RARB: variants seen among roughly 807,000 people sequenced by gnomAD.
The protein encoded by RARB is retinoic acid receptor beta.
RARB carries 17 observed loss-of-function variants against 51.9 expected under a neutral mutation model. That is an observed-to-expected ratio of 0.33 (90% CI 0.22 to 0.49). The LOEUF is 0.49. Ranked by LOEUF, RARB falls within the 20% of genes least tolerant of loss-of-function variation. The pLI is 0.99. For missense variants in RARB, 369 were observed against 550.8 expected, an observed-to-expected ratio of 0.67 and a Z score of 3.30; for synonymous variants, 215 against 195.4, an observed-to-expected ratio of 1.10 and a Z score of -0.84.
intron 5 of RARB, among the ~76,000 whole-genome samples, chr3:25,194,675 C>G (rs1399892310): frequency 2.6e-5 from 4 of 151,006 alleles, no homozygotes; most frequent in Non-Finnish European, 1.5e-5. Flanking sequence ...CTCCAATTCC[C>G]AATGCACTGA....
At chr3:25,452,447 TCTTA>T (rs1709236877) in intron 1 of RARB, among the ~76,000 whole-genome samples, 1 of 152,056 alleles carries the variant, frequency 6.6e-6, no homozygotes, top group South Asian at 2.1e-4. Flanking sequence ...GGGTCCTGAG[TCTTA>T]CTCTCTTTCT....
intron 5 of RARB, among the ~76,000 whole-genome samples, chr3:25,288,928 A>G (rs757086902): frequency 6.6e-5 from 10 of 152,150 alleles, no homozygotes; most frequent in Non-Finnish European, 1.2e-4. Context: ...GAAGACCTCT[A>G]CTATTTCCCA....
At chr3:25,482,807 G>A (rs924898245) in intron 2 of RARB, among the ~76,000 whole-genome samples, 21 of 151,906 alleles carry the variant, frequency 1.4e-4, no homozygotes, top group Non-Finnish European at 2.5e-4. Flanking sequence ...CCAAAGTGCT[G>A]GGATTACAGG....
chr3:25,281,591 C>T (rs867957194), intron 5 of RARB, among the ~76,000 whole-genome samples: 1 of 152,180 alleles, frequency 6.6e-6, no homozygotes, highest in Admixed American at 6.5e-5. Flanking sequence ...AACAAATGAT[C>T]AGCACTGGGC....
chr3:24,999,993 C>T (rs1697124873), intron 2 of RARB, among the ~76,000 whole-genome samples: 1 of 57,450 alleles, frequency 1.7e-5, no homozygotes. Context: ...AAATTCACTC[C>T]TGAGATCTGT....
intron 5 of RARB, among the ~76,000 whole-genome samples, chr3:25,204,482 T>G (rs1420011641): frequency 6.6e-6 from 1 of 152,184 alleles, no homozygotes; most frequent in Non-Finnish European, 1.5e-5. Context: ...CTGCATTCCT[T>G]TAGAGGAGGA....
chr3:25,001,944 A>AT (rs764868076), intron 2 of RARB, among the ~76,000 whole-genome samples: 1 of 151,924 alleles, frequency 6.6e-6, no homozygotes, highest in Non-Finnish European at 1.5e-5. Flanking sequence ...CATGTGGCTA[A>AT]TTTTTTTATA....
At chr3:25,192,029 T>A (rs1701116100) in intron 5 of RARB, among the ~76,000 whole-genome samples, 1 of 152,064 alleles carries the variant, frequency 6.6e-6, no homozygotes, top group African/African-American at 2.4e-5. Context: ...TTAAACAGCT[T>A]TGCAAAAGTG....
chr3:25,211,814 G>T (rs576580298), intron 5 of RARB, among the ~76,000 whole-genome samples: 3 of 152,142 alleles, frequency 2.0e-5, no homozygotes, highest in Non-Finnish European at 4.4e-5. Context: ...TAGGTGATGG[G>T]CCAGATTTTG....
rs368175623 is a variant in RARB, at chr3:25,446,442, G to A, written c.158-14751G>A. On this transcript the variant is annotated intron_variant, in intron 1 of 7. Transcript: ENST00000330688. ...AGTTGAATGACTGTGACAGAGACCAGACAGCCCACAAAGCCTAAAGTATTT... is the reference window on the plus strand; with the variant it reads ...AGTTGAATGACTGTGACAGAGACCAAACAGCCCACAAAGCCTAAAGTATTT... Among the ~76,000 whole-genome samples the A allele has an allele frequency of 8.5e-5, 13 of 152,190 alleles. No homozygotes were observed. In the East Asian group the frequency reaches 1.2e-3, roughly 14 times the overall value.
chr3:25,532,094 A>G (rs1049385045), intron 3 of RARB, among the ~76,000 whole-genome samples: 1 of 152,080 alleles, frequency 6.6e-6, no homozygotes, highest in Non-Finnish European at 1.5e-5. Flanking sequence ...TTTTGTGTCA[A>G]TTTGCCTAAA....
At chr3:25,496,892 T>C (rs1697061523) in intron 2 of RARB, among the ~76,000 whole-genome samples, 1 of 152,206 alleles carries the variant, frequency 6.6e-6, no homozygotes. Context: ...TGTTTGTTTG[T>C]TTGCTTTTTG....
intron 3 of RARB, among the ~76,000 whole-genome samples, chr3:25,532,858 A>G (rs1323994699): frequency 6.6e-6 from 1 of 152,220 alleles, no homozygotes; most frequent in African/African-American, 2.4e-5. Context: ...TTTTGGAAAG[A>G]AAGGCATTGC....
At chr3:25,076,700 TTTTTG>T (rs1698877147) in intron 3 of RARB, among the ~76,000 whole-genome samples, 1 of 152,202 alleles carries the variant, frequency 6.6e-6, no homozygotes, top group African/African-American at 2.4e-5. Flanking sequence ...AAAAACAAAT[TTTTTG>T]TTTTGTTAAA....
At chr3:24,949,437 T>C (rs1695842778) in intron 2 of RARB, among the ~76,000 whole-genome samples, 2 of 152,132 alleles carry the variant, frequency 1.3e-5, no homozygotes, top group African/African-American at 4.8e-5. Context: ...GAAGATCAAA[T>C]AGGAGGAAAG....
intron 3 of RARB, among the ~76,000 whole-genome samples, chr3:25,066,333 T>G (rs1266636773): frequency 6.6e-6 from 1 of 152,214 alleles, no homozygotes; most frequent in African/African-American, 2.4e-5. Flanking sequence ...TGGACTGAGT[T>G]AAAATTCAGG....
At chr3:25,020,188 G>A (rs1428081816) in intron 2 of RARB, 3 of 151,190 alleles carry the variant, frequency 2.0e-5, no homozygotes, top group East Asian at 1.9e-4. Context: ...TCACCAGGTT[G>A]CTCAGGCTGG....
intron 2 of RARB, among the ~76,000 whole-genome samples, chr3:24,961,584 C>T (rs1390675179): frequency 1.4e-5 from 2 of 147,630 alleles, no homozygotes; most frequent in Admixed American, 1.4e-4. Flanking sequence ...CCAGGTTGTT[C>T]AGACAGATGA....
chr3:25,335,818 C>G (rs1021672814), intron 5 of RARB, among the ~76,000 whole-genome samples: 2 of 152,274 alleles, frequency 1.3e-5, no homozygotes, highest in Admixed American at 6.5e-5. Flanking sequence ...ATTTTGTCAC[C>G]TATGTGGCCA....
Sources: allele counts gnomAD v4.1 joint callset (sites outside exome capture counted in the v4.1 genomes callset), GRCh38; gene constraint gnomAD v4.1.1; transcripts MANE v1.5; gene names NCBI Gene and HGNC (gene_info 2026-07-23, HGNC 2026-07-21).